KCND3: variants seen among roughly 807,000 people sequenced by gnomAD.
KCND3 encodes potassium voltage-gated channel subfamily D member 3.
In KCND3, 9 loss-of-function variants were observed where a neutral mutation model predicts 51.1. The ratio of observed to expected loss-of-function variants is 0.18; its 90% CI spans 0.11 to 0.31. The LOEUF is 0.31. KCND3 is among the 10% of genes least tolerant of loss of function. The probability of loss-of-function intolerance (pLI) is 1.00; values close to 1 mark genes in which losing one functional copy is unlikely to be tolerated. For synonymous variants in KCND3, 349 were observed against 368.0 expected, an observed-to-expected ratio of 0.95 and a Z score of 0.59; for missense variants, 526 against 903.8, an observed-to-expected ratio of 0.58 and a Z score of 5.36.
chr1:111,776,882 G>T lies in KCND3; in HGVS notation c.1766+144C>A, dbSNP rs765781656. On this transcript the variant is annotated intron_variant, in intron 7 of 7. Coordinates refer to ENST00000302127, the MANE Select transcript of KCND3 (RefSeq NM_001378969.1). ...GAAGGGCCTTTGGGTTTCCTTGCAA[G>T]GAAAGGAGGAAGGTAGAGGGGCTCA... 648 of 1,479,300 alleles carry T rather than the reference G, an allele frequency of 4.4e-4. 1 individual carries two copies. Among genetic ancestry groups the T allele is most frequent in the Non-Finnish European group, 5.6e-4 (616 of 1,092,218 alleles). The allele number at this position is 1,479,300 out of a possible 1,614,324, so 91.6% of individuals were successfully genotyped here.
chr1:111,851,903 G>A (rs1038032123), intron 2 of KCND3, among the ~76,000 whole-genome samples: 1 of 152,192 alleles, frequency 6.6e-6, no homozygotes, highest in Non-Finnish European at 1.5e-5. Context: ...AGGTGCAAAG[G>A]ATGTTTACCA....
intron 2 of KCND3, among the ~76,000 whole-genome samples, chr1:111,926,894 C>G (rs889324981): frequency 6.6e-6 from 1 of 152,254 alleles, no homozygotes; most frequent in African/African-American, 2.4e-5. Context: ...TGGAAGATGC[C>G]TGGTCTCTTC....
intron 2 of KCND3, among the ~76,000 whole-genome samples, chr1:111,803,603 G>T (rs1665425247): frequency 6.6e-6 from 1 of 152,162 alleles, no homozygotes; most frequent in African/African-American, 2.4e-5. Context: ...GGTCGGAGAT[G>T]GTGCTCCATC....
chr1:111,868,949 C>T (rs1196736923), intron 2 of KCND3, among the ~76,000 whole-genome samples: 2 of 152,062 alleles, frequency 1.3e-5, no homozygotes, highest in African/African-American at 4.8e-5. Flanking sequence ...CACTATGTTG[C>T]CTAGGCTAAC....
At chr1:111,799,938 T>C (rs4839169) in intron 2 of KCND3, among the ~76,000 whole-genome samples, 25,169 of 152,074 alleles carry the variant, frequency 0.17, 2,191 homozygotes, top group Admixed American at 0.22. Context: ...CCCCCCCGCC[T>C]GGCCAGCCGC....
intron 2 of KCND3, among the ~76,000 whole-genome samples, chr1:111,928,090 TA>T (rs968168644): frequency 2.0e-5 from 3 of 152,154 alleles, no homozygotes; most frequent in African/African-American, 4.8e-5. Context: ...ACTGACTTTT[TA>T]ATTTTTTTTT....
intron 2 of KCND3, among the ~76,000 whole-genome samples, chr1:111,891,968 C>CTG (rs756965891): frequency 1.9e-3 from 235 of 124,012 alleles, no homozygotes; most frequent in Non-Finnish European, 3.1e-3. Flanking sequence ...GCGTGTGTGT[C>CTG]TGTGTGTGTG....
intron 2 of KCND3, among the ~76,000 whole-genome samples, chr1:111,842,261 A>G (rs1468457525): frequency 6.6e-6 from 1 of 152,194 alleles, no homozygotes; most frequent in Admixed American, 6.5e-5. Context: ...CATAGGCCCC[A>G]GCTGTCCAGG....
chr1:111,971,968 C>T (rs1350440944), intron 2 of KCND3, among the ~76,000 whole-genome samples: 1 of 152,200 alleles, frequency 6.6e-6, no homozygotes, highest in Non-Finnish European at 1.5e-5. Flanking sequence ...GGCTGACTTT[C>T]CTGTGTCCAA....
Position 111,777,144 on chromosome 1 carries a change from G to A in KCND3, c.1648C>T (p.Arg550Cys), listed in dbSNP as rs778141653. Residue 550 changes from arginine to cysteine, a missense_variant, in exon 7 of 8, where the codon CGT (arginine) becomes TGT (cysteine). Transcript: ENST00000302127. Reference protein sequence around the residue: ...PGLTTTCCSRRSKKTTHLPNS... With the variant: ...PGLTTTCCSRCSKKTTHLPNS... ...GGCAGGTGTGTGGTCTTCTTACTACGACGGGAGCAGCAGGTGGTAGTGAGG... is the reference window on the plus strand; with the variant it reads ...GGCAGGTGTGTGGTCTTCTTACTACAACGGGAGCAGCAGGTGGTAGTGAGG... The A allele has an allele frequency of 7.4e-6, 12 of 1,614,054 alleles. No individual in the cohort carries two copies. The highest frequency in any genetic ancestry group is 1.7e-5 in the Admixed American group (1 of 60,006).
intron 2 of KCND3, among the ~76,000 whole-genome samples, chr1:111,837,725 A>G (rs1667128543): frequency 6.6e-6 from 1 of 152,162 alleles, no homozygotes; most frequent in South Asian, 2.1e-4. Flanking sequence ...GTGGTCAACT[A>G]AAAGCCCTAG....
chr1:111,849,730 T>C (rs181611087), intron 2 of KCND3, among the ~76,000 whole-genome samples: 44 of 152,282 alleles, frequency 2.9e-4, no homozygotes, highest in Non-Finnish European at 5.0e-4. Context: ...AAAGATGCCA[T>C]TTAGCTTGTC....
chr1:111,832,482 T>C (rs930054653), intron 2 of KCND3, among the ~76,000 whole-genome samples: 4 of 152,238 alleles, frequency 2.6e-5, no homozygotes, highest in South Asian at 2.1e-4. Flanking sequence ...TTTACCCATA[T>C]ATTTCCCCAT....
intron 2 of KCND3, among the ~76,000 whole-genome samples, chr1:111,809,411 C>G (rs1441018368): frequency 6.6e-6 from 1 of 151,820 alleles, no homozygotes; most frequent in African/African-American, 2.4e-5. Context: ...CAGGTTCATG[C>G]CATTCTCCTG....
At chr1:111,815,858 G>A (rs1047846317) in intron 2 of KCND3, among the ~76,000 whole-genome samples, 2 of 152,004 alleles carry the variant, frequency 1.3e-5, no homozygotes, top group African/African-American at 2.4e-5. Flanking sequence ...AAGGTAAGCA[G>A]GAATTTCTGG....
intron 2 of KCND3, among the ~76,000 whole-genome samples, chr1:111,880,887 T>C (rs571248550): frequency 8.1e-4 from 123 of 152,256 alleles, no homozygotes; most frequent in African/African-American, 2.8e-3. Flanking sequence ...GAACCGTTTT[T>C]TTTAATAAAG....
intron 2 of KCND3, among the ~76,000 whole-genome samples, chr1:111,886,885 T>C (rs1355714639): frequency 6.6e-6 from 1 of 152,194 alleles, no homozygotes; most frequent in Non-Finnish European, 1.5e-5. Context: ...GTGAGCACTG[T>C]ATTGTGGCCA....
In KCND3 at chr1:111,980,203, AGTGTGTGTGTGTGTGT is replaced by A. The variant is rs58988523; in HGVS notation, c.1106+1402_1106+1417del. Reference sequence around the variant, plus strand: ...ACTCTGGGTGAGCAGCCATTTGAAGAGTGTGTGTGTGTGTGTGTGTGTGTGTGTGTGTGTGGGTTGG... The same window carrying A: ...ACTCTGGGTGAGCAGCCATTTGAAGAGTGTGTGTGTGTGTGTGTGGGTTGG... On this transcript the variant is annotated intron_variant, in intron 2 of 7. Transcript: ENST00000302127. 2.8e-5 allele frequency among the ~76,000 whole-genome samples: 4 copies of A among 142,956 alleles called. No homozygotes were observed. In the South Asian group the frequency reaches 7.0e-4, roughly 25 times the overall value. 93.8% of individuals were successfully genotyped at this position (142,956 alleles called of 152,430 possible).
chr1:111,824,113 C>T (rs1390487115), intron 2 of KCND3, among the ~76,000 whole-genome samples: 3 of 113,340 alleles, frequency 2.6e-5, no homozygotes, highest in Non-Finnish European at 6.2e-5. Flanking sequence ...ATGCCTTCTC[C>T]AACTCCAAAA....
Sources: allele counts gnomAD v4.1 joint callset (sites outside exome capture counted in the v4.1 genomes callset), GRCh38; gene constraint gnomAD v4.1.1; transcripts MANE v1.5; gene names NCBI Gene and HGNC (gene_info 2026-07-23, HGNC 2026-07-21).